The following NDUFA10 variants were observed in gnomAD, a reference collection of about 807,000 sequenced individuals.
NDUFA10 encodes NADH dehydrogenase [ubiquinone] 1 alpha subcomplex subunit 10, mitochondrial.
A neutral mutation model predicts 47.8 loss-of-function variants in NDUFA10; 40 were observed. That is an observed-to-expected ratio of 0.84 (90% CI 0.65 to 1.09). The LOEUF (loss-of-function observed/expected upper bound fraction) is 1.09, where lower values mean the gene tolerates loss of function less well. NDUFA10 is among the 50% of genes least tolerant of loss of function. The pLI is 0.00. For missense variants in NDUFA10, 413 were observed against 451.1 expected (o/e 0.92, Z 0.76); for synonymous variants, 183 against 172.2 (o/e 1.06, Z -0.49).
chr2:239,943,954 C>T (rs1304390684), intron 4 of NDUFA10, among the ~76,000 whole-genome samples: 1 of 152,154 alleles, frequency 6.6e-6, no homozygotes, highest in Non-Finnish European at 1.5e-5. Flanking sequence ...GCTGAGGCTG[C>T]TGGGGGCAGT....
At chr2:239,926,113 C>A (rs1036670741) in intron 4 of NDUFA10, among the ~76,000 whole-genome samples, 1 of 152,212 alleles carries the variant, frequency 6.6e-6, no homozygotes, top group African/African-American at 2.4e-5. Flanking sequence ...CATACACTTA[C>A]CCTACGATCC....
intron 1 of NDUFA10, among the ~76,000 whole-genome samples, chr2:240,022,853 T>C (rs919062278): frequency 2.0e-5 from 3 of 152,098 alleles, no homozygotes; most frequent in Admixed American, 2.0e-4. Context: ...TAAGGTGAAA[T>C]GCAACATCCA....
At chr2:239,915,561 C>G (rs1002172325) in intron 4 of NDUFA10, among the ~76,000 whole-genome samples, 2 of 139,660 alleles carry the variant, frequency 1.4e-5, no homozygotes, top group Non-Finnish European at 3.1e-5. Flanking sequence ...CACACATACA[C>G]AGACACAAAT....
intron 8 of NDUFA10, among the ~76,000 whole-genome samples, chr2:240,002,467 T>G (rs1696766575): frequency 6.6e-6 from 1 of 152,210 alleles, no homozygotes; most frequent in Admixed American, 6.5e-5. Flanking sequence ...TACTTTTAGA[T>G]TAACACCATT....
At chr2:239,977,473 C>G (rs714219) in intron 9 of NDUFA10, among the ~76,000 whole-genome samples, 5 of 152,074 alleles carry the variant, frequency 3.3e-5, no homozygotes, top group African/African-American at 1.2e-4. Flanking sequence ...AGGCCCTTCA[C>G]GCAGGTGAGA....
downstream of NDUFA10, among the ~76,000 whole-genome samples, chr2:239,956,485 T>G (rs1314080574): frequency 6.6e-6 from 1 of 152,098 alleles, no homozygotes; most frequent in African/African-American, 2.4e-5. Context: ...GTTCCCAGAT[T>G]TGGACAGAAG....
In NDUFA10 at chr2:239,990,174, T is replaced by C. The variant is rs1184367779; in HGVS notation, c.899A>G (p.Asp300Gly). The C allele has an allele frequency of 6.2e-7, 1 of 1,611,474 alleles. No individual in the cohort carries two copies. The highest frequency in any genetic ancestry group is 2.2e-5 in the East Asian group (1 of 44,860). The change falls in exon 9 of 10, where the codon GAT (aspartate) becomes GGT (glycine). Residue 300 changes from aspartate (D) to glycine (G), a missense_variant. By Grantham distance (94) the Asp-to-Gly change is moderately conservative (BLOSUM62 -1). Transcript: ENST00000252711. The part of the protein sequence containing the change: ...TLYHLRLLVQ[D>G]KFEVLNYTSI... ...TGTGTAATTCAGCACCTCAAACTTA[T>C]CCTGAACCCTAAAAAATAAGACACA...
chr2:239,911,680 C>CCTACGTGT (rs533634813), intron 4 of NDUFA10, among the ~76,000 whole-genome samples: 1 of 149,734 alleles, frequency 6.7e-6, no homozygotes, highest in Non-Finnish European at 1.5e-5. Context: ...AGTGTGTGTG[C>CCTACGTGT]GTGTGTGTGT....
chr2:239,897,642 C>T (rs1693421739), intron 4 of NDUFA10, among the ~76,000 whole-genome samples: 1 of 152,228 alleles, frequency 6.6e-6, no homozygotes, highest in African/African-American at 2.4e-5. Flanking sequence ...GGATTCCAGG[C>T]CGGCAGCTTC....
chr2:239,940,494 C>T (rs1694342565), intron 4 of NDUFA10, among the ~76,000 whole-genome samples: 1 of 152,182 alleles, frequency 6.6e-6, no homozygotes. Flanking sequence ...TCAGTAATGC[C>T]CAGCACATCC....
intron 4 of NDUFA10, among the ~76,000 whole-genome samples, chr2:239,914,398 CACAGACACACACAAATAT>C (rs1025660734): frequency 4.7e-5 from 7 of 149,904 alleles, no homozygotes. Context: ...CACATACATA[CACAGACACACACAAATAT>C]ACAGACACAC....
At chr2:239,938,080 G>A (rs1330922070) in intron 4 of NDUFA10, among the ~76,000 whole-genome samples, 1 of 152,088 alleles carries the variant, frequency 6.6e-6, no homozygotes, top group East Asian at 1.9e-4. Context: ...CAGCCTCGGG[G>A]ATAAGAGAAG....
At chr2:239,933,577 C>T (rs567191649) in intron 4 of NDUFA10, among the ~76,000 whole-genome samples, 90 of 151,620 alleles carry the variant, frequency 5.9e-4, no homozygotes, top group African/African-American at 2.1e-3. Context: ...AGTGCAGTGG[C>T]GGGATCTCTC....
rs1476992967 is a variant in NDUFA10 at position 239,906,432 on chromosome 2, T to C, written c.295-11118A>G. Among the ~76,000 whole-genome samples, 1 of 152,118 alleles carries C rather than the reference T, an allele frequency of 6.6e-6. No individual in the cohort carries two copies. Among genetic ancestry groups the C allele is most frequent in the Admixed American group, 6.5e-5 (1 of 15,276 alleles). On this transcript the variant is annotated intron_variant, in intron 4 of 5. Coordinates refer to the NDUFA10 transcript ENST00000419408. This position sits in a 1 kb window ranked among gnomAD's most constrained non-coding sequence, Gnocchi z 4.3. Reference sequence around the variant, plus strand: ...TTGAAATCAGAGCAACAAGGGCTCCTGAAGCACCCCAGGCCTTGAGAACAC... The same window carrying C: ...TTGAAATCAGAGCAACAAGGGCTCCCGAAGCACCCCAGGCCTTGAGAACAC...
At chr2:239,924,203 G>A (rs546275489) in intron 4 of NDUFA10, among the ~76,000 whole-genome samples, 7 of 152,066 alleles carry the variant, frequency 4.6e-5, no homozygotes, top group South Asian at 4.2e-4. Context: ...CATTTTATGC[G>A]ACTGGTATTA....
rs547553763 is a variant in NDUFA10, at chr2:239,897,773, C to T, written c.295-2459G>A. On this transcript the variant is annotated intron_variant, in intron 4 of 5. Coordinates refer to the NDUFA10 transcript ENST00000419408. ...TTGGGAGGCCCTGAAGACTGATGGC[C>T]GCCCTGGAGGTCACTCAGCCCCCAG... Among the ~76,000 whole-genome samples the T allele has an allele frequency of 1.5e-4, 23 of 152,154 alleles. No individual in the cohort carries two copies. In the South Asian group the frequency reaches 1.7e-3, roughly 11 times the overall value.
intron 4 of NDUFA10, among the ~76,000 whole-genome samples, chr2:239,932,583 A>ATT (rs1334670530): frequency 1.4e-5 from 2 of 147,936 alleles, no homozygotes; most frequent in African/African-American, 4.9e-5. Context: ...TGGTCAAAGA[A>ATT]TTTTTTTTTT....
At chr2:239,963,748 GGAGGCAGCGCCATGT>G (rs1246587661) in intron 9 of NDUFA10, among the ~76,000 whole-genome samples, 18 of 152,322 alleles carry the variant, frequency 1.2e-4, no homozygotes, top group African/African-American at 4.1e-4. Context: ...AGTAACTGAG[GGAGGCAGCGCCATGT>G]GAGCCGACCA....
chr2:240,020,797 C>T (rs1008316092), intron 3 of NDUFA10, among the ~76,000 whole-genome samples: 1 of 152,166 alleles, frequency 6.6e-6, no homozygotes, highest in South Asian at 2.1e-4. Context: ...CCGGGACAAC[C>T]CTATGTTGTT....
Sources: allele counts gnomAD v4.1 joint callset (sites outside exome capture counted in the v4.1 genomes callset), GRCh38; gene constraint gnomAD v4.1.1; non-coding constraint Gnocchi (gnomAD v3.1); transcripts MANE v1.5; gene names NCBI Gene and HGNC (gene_info 2026-07-23, HGNC 2026-07-21).